The following TMEM178B variants were observed in gnomAD, a reference collection of about 807,000 sequenced individuals.
TMEM178B encodes transmembrane protein 178B.
A neutral mutation model predicts 31.0 loss-of-function variants in TMEM178B; 5 were observed. That is an observed-to-expected ratio of 0.16 (90% confidence interval 0.08 to 0.34). TMEM178B has a LOEUF of 0.34. Ranked by LOEUF, TMEM178B falls within the 10% of genes least tolerant of loss-of-function variation. TMEM178B has a pLI of 1.00. For synonymous variants in TMEM178B, 164 were observed against 164.0 expected (o/e 1.00, Z 0.00); for missense variants, 275 against 400.3 (o/e 0.69, Z 2.67).
chr7:141,498,873 T>G, the TMEM178B span, among the ~76,000 whole-genome samples: 1 of 152,212 alleles, frequency 6.6e-6, no homozygotes, highest in Admixed American at 6.5e-5. Context: ...TTATTAATTT[T>G]TGAGGAATCA....
chr7:141,147,331 G>A lies in TMEM178B; in HGVS notation c.383-65260G>A, dbSNP rs190693833. 6.6e-4 allele frequency among the ~76,000 whole-genome samples: 101 copies of A among 152,156 alleles called. No individual in the cohort carries two copies. In the East Asian group the frequency reaches 7.0e-3, roughly 10 times the overall value. On this transcript the variant is annotated intron_variant, in intron 1 of 3. Coordinates refer to ENST00000565468, the MANE Select transcript of TMEM178B (RefSeq NM_001195278.2). ...TGTGGTGCAGAGGAGGTGAGGCTGG[G>A]TGGTGGTGAGGCTGGGTGGTAGGGG...
At chr7:141,087,048 A>G (rs1794800382) in intron 1 of TMEM178B, among the ~76,000 whole-genome samples, 2 of 152,204 alleles carry the variant, frequency 1.3e-5, no homozygotes, top group East Asian at 1.9e-4. Flanking sequence ...ATTCACATGC[A>G]TGCACATTCA....
chr7:141,463,300 G>A (rs540489594), intron 3 of TMEM178B, among the ~76,000 whole-genome samples: 10 of 152,336 alleles, frequency 6.6e-5, no homozygotes, highest in South Asian at 4.1e-4. Flanking sequence ...AGAGGGTTGA[G>A]ATCAATTTGC....
chr7:141,416,321 T>C (rs947601608), intron 2 of TMEM178B: 2 of 152,668 alleles, frequency 1.3e-5, no homozygotes, highest in African/African-American at 4.8e-5. Flanking sequence ...ACTCTTTTTC[T>C]TTTCCAGTGA....
At chr7:141,139,311 C>G (rs937283684) in intron 1 of TMEM178B, among the ~76,000 whole-genome samples, 15 of 152,248 alleles carry the variant, frequency 9.9e-5, no homozygotes, top group African/African-American at 3.6e-4. Flanking sequence ...AATGTGTTTA[C>G]GAGACTTACA....
the TMEM178B span, among the ~76,000 whole-genome samples, chr7:141,504,390 T>C: frequency 0.014 from 2,086 of 152,284 alleles, 44 homozygotes; most frequent in African/African-American, 0.047. Flanking sequence ...GAAGCTACAA[T>C]TTAACTGGTC....
intron 1 of TMEM178B, among the ~76,000 whole-genome samples, chr7:141,209,904 T>C (rs949334111): frequency 2.0e-5 from 3 of 152,082 alleles, no homozygotes; most frequent in African/African-American, 7.2e-5. Context: ...AGCTGGAGCC[T>C]GGGGTATGTG....
Position 141,480,240 on chromosome 7 carries a change from G to C in TMEM178B, c.*9454G>C, listed in dbSNP as rs1169265581. 1 of 152,138 alleles carries C rather than the reference G, an allele frequency of 6.6e-6. No individual in the cohort carries two copies. Among genetic ancestry groups the C allele is most frequent in the African/African-American group, 2.4e-5 (1 of 41,430 alleles). The allele number at this position is 152,138 out of a possible 1,614,324, so 9.4% of individuals were successfully genotyped here. A position where few individuals can be genotyped will look rare whatever the true frequency, so the allele number is the denominator to read the frequency against. ...TCTTTTTCGAATTGGCAGAAATATT[G>C]TATTTCCATTGATTGAAGAAAAACA... On this transcript the variant is annotated 3_prime_UTR_variant, in exon 4 of 4. Coordinates refer to ENST00000565468, the MANE Select transcript of TMEM178B (RefSeq NM_001195278.2).
At position 141,350,159 on chromosome 7, in the gene TMEM178B, A is replaced by G. The variant is rs954302470; in HGVS notation, c.497-87449A>G. On this transcript the variant is annotated intron_variant, in intron 2 of 3. Transcript: ENST00000565468. ...TCCAGATGTCACAATGAACCGAAAA[A>G]ACACAAGAAAACCAGTTGATTACAT... 5.9e-5 allele frequency among the ~76,000 whole-genome samples: 9 copies of G among 152,206 alleles called. No individual in the cohort carries two copies. The South Asian group carries it at 8.3e-4, about 14-fold the overall frequency.
intron 2 of TMEM178B, among the ~76,000 whole-genome samples, chr7:141,315,897 T>G (rs1432721521): frequency 6.6e-6 from 1 of 152,150 alleles, no homozygotes; most frequent in Non-Finnish European, 1.5e-5. Context: ...CCTCCCAACT[T>G]CCCATCAGTA....
At chr7:141,325,058 TC>T (rs975321812) in intron 2 of TMEM178B, among the ~76,000 whole-genome samples, 2 of 152,076 alleles carry the variant, frequency 1.3e-5, no homozygotes, top group Non-Finnish European at 2.9e-5. Context: ...TGCCTCCTAC[TC>T]CCATGCTCTT....
chr7:141,097,793 C>CTTTTTTTTTTTTTTTTTTTTTT (rs552569756), intron 1 of TMEM178B, among the ~76,000 whole-genome samples: 1 of 125,938 alleles, frequency 7.9e-6, no homozygotes, highest in Non-Finnish European at 1.6e-5. Context: ...TTCTTTCTTT[C>CTTTTTTTTTTTTTTTTTTTTTT]TTTTTTTTTT....
chr7:141,119,172 CAG>C (rs770623548), intron 1 of TMEM178B, among the ~76,000 whole-genome samples: 90 of 152,298 alleles, frequency 5.9e-4, no homozygotes, highest in Non-Finnish European at 9.6e-4. Flanking sequence ...TGCTGGGGGA[CAG>C]AGCAGAAAAT....
At chr7:141,105,273 C>T (rs761963083) in intron 1 of TMEM178B, among the ~76,000 whole-genome samples, 3 of 152,120 alleles carry the variant, frequency 2.0e-5, no homozygotes, top group Admixed American at 6.5e-5. Flanking sequence ...CTTTGGAGGC[C>T]GAGGTGGGCG....
chr7:141,292,312 C>T lies in TMEM178B; in HGVS notation c.496+79608C>T, dbSNP rs1274930387. 3.3e-5 allele frequency among the ~76,000 whole-genome samples: 5 copies of T among 152,228 alleles called. No individual in the cohort carries two copies. The South Asian group carries it at 8.3e-4, about 25-fold the overall frequency. ...GTGTCATATTCTTTGACATTTTCCC[C>T]TCTTTGGTTTATTCTAATTTCTCAG... On this transcript the variant is annotated intron_variant, in intron 2 of 3. Coordinates refer to ENST00000565468, the MANE Select transcript of TMEM178B (RefSeq NM_001195278.2).
chr7:141,128,364 T>G (rs1795539532), intron 1 of TMEM178B, among the ~76,000 whole-genome samples: 1 of 152,186 alleles, frequency 6.6e-6, no homozygotes, highest in Non-Finnish European at 1.5e-5. Context: ...GAATATTTCC[T>G]TATAGCTAAG....
intron 1 of TMEM178B, among the ~76,000 whole-genome samples, chr7:141,181,491 G>T (rs1034314536): frequency 6.6e-6 from 1 of 152,184 alleles, no homozygotes; most frequent in Non-Finnish European, 1.5e-5. Flanking sequence ...GTCTCATAAA[G>T]GGCTCAGTGT....
At chr7:141,093,347 G>A (rs1432364505) in intron 1 of TMEM178B, among the ~76,000 whole-genome samples, 1 of 152,220 alleles carries the variant, frequency 6.6e-6, no homozygotes, top group Non-Finnish European at 1.5e-5. Context: ...ACAGGAGCTG[G>A]CAGAGCAGAG....
At chr7:141,381,216 T>C (rs1800309264) in intron 2 of TMEM178B, among the ~76,000 whole-genome samples, 1 of 152,232 alleles carries the variant, frequency 6.6e-6, no homozygotes, top group Non-Finnish European at 1.5e-5. Context: ...CAAAGTCTTG[T>C]AGTTAATAAG....
Sources: allele counts gnomAD v4.1 joint callset (sites outside exome capture counted in the v4.1 genomes callset), GRCh38; gene constraint gnomAD v4.1.1; transcripts MANE v1.5; gene names NCBI Gene and HGNC (gene_info 2026-07-23, HGNC 2026-07-21).